RAB5A: variants seen among roughly 807,000 people sequenced by gnomAD.
RAB5A encodes the protein ras-related protein Rab-5A.
A neutral mutation model predicts 25.7 loss-of-function variants in RAB5A; 8 were observed. The observed-to-expected ratio is 0.31, with a 90% CI of 0.18 to 0.56. RAB5A has a LOEUF of 0.56. Among genes scored for constraint, RAB5A ranks in the 20% least tolerant of loss-of-function variants. The pLI is 0.91. For missense variants in RAB5A, 192 were observed against 259.7 expected, an observed-to-expected ratio of 0.74 and a Z score of 1.79; for synonymous variants, 98 against 89.8, an observed-to-expected ratio of 1.09 and a Z score of -0.52.
chr3:19,974,409 T>A (rs1443542343), intron 2 of RAB5A, among the ~76,000 whole-genome samples: 1 of 152,046 alleles, frequency 6.6e-6, no homozygotes, highest in Non-Finnish European at 1.5e-5. Context: ...TTCCTCAGCC[T>A]CCCAGAGTGC....
At chr3:19,956,722 T>G (rs936353344) in intron 2 of RAB5A, among the ~76,000 whole-genome samples, 1 of 152,228 alleles carries the variant, frequency 6.6e-6, no homozygotes, top group African/African-American at 2.4e-5. Context: ...GTATCCAGAT[T>G]GAAGTTTTTA....
At chr3:19,953,622 G>A (rs1252159389) in intron 2 of RAB5A, among the ~76,000 whole-genome samples, 2 of 152,114 alleles carry the variant, frequency 1.3e-5, no homozygotes, top group East Asian at 3.9e-4. Flanking sequence ...CGGTCGGGTT[G>A]GTCTTGAACT....
At chr3:19,957,857 A>T (rs1321099739) in intron 2 of RAB5A, among the ~76,000 whole-genome samples, 1 of 152,202 alleles carries the variant, frequency 6.6e-6, no homozygotes, top group African/African-American at 2.4e-5. Context: ...GTAAATACAT[A>T]ACGATTTTTA....
intron 2 of RAB5A, among the ~76,000 whole-genome samples, chr3:19,975,157 CGGAGG>C (rs1266016041): frequency 6.7e-6 from 1 of 148,526 alleles, no homozygotes; most frequent in Non-Finnish European, 1.5e-5. Flanking sequence ...ACCCGGGAGG[CGGAGG>C]TTGCAGTGAG....
intron 2 of RAB5A, among the ~76,000 whole-genome samples, chr3:19,974,078 A>G (rs1696788621): frequency 6.6e-6 from 1 of 152,154 alleles, no homozygotes; most frequent in South Asian, 2.1e-4. Context: ...TTTACAGTGA[A>G]TGATAGAGCA....
chr3:19,961,608 T>C (rs549572099), intron 2 of RAB5A, among the ~76,000 whole-genome samples: 1 of 152,362 alleles, frequency 6.6e-6, no homozygotes, highest in East Asian at 1.9e-4. Flanking sequence ...GCCATCATCA[T>C]GTGTCACACG....
At chr3:19,976,643 C>A (rs13086159) in intron 4 of RAB5A, among the ~76,000 whole-genome samples, 25,843 of 152,194 alleles carry the variant, frequency 0.17, 2,128 homozygotes, top group South Asian at 0.21. Context: ...CAAGATCACA[C>A]TATTGCACTC....
In RAB5A at chr3:19,982,053, G is replaced by A. The variant is rs1283700885; in HGVS notation, c.533-1655G>A. ...GGCCAGGAGTTCTAGACCAGCCTGGGCAACAGAGCAAGACCCTATCTCTAC... is the reference window on the plus strand; with the variant it reads ...GGCCAGGAGTTCTAGACCAGCCTGGACAACAGAGCAAGACCCTATCTCTAC... On this transcript the variant is annotated intron_variant, in intron 5 of 5. Transcript: ENST00000273047. Among the ~76,000 whole-genome samples the A allele has an allele frequency of 2.0e-5, 3 of 151,856 alleles. No homozygotes were observed. The East Asian group carries it at 5.8e-4, about 30-fold the overall frequency.
intron 2 of RAB5A, among the ~76,000 whole-genome samples, chr3:19,965,153 C>T (rs558675339): frequency 6.6e-6 from 1 of 152,232 alleles, no homozygotes; most frequent in East Asian, 1.9e-4. Flanking sequence ...CACTCCTGAC[C>T]TCAAGTGATC....
intron 1 of RAB5A, chr3:19,947,758 G>A (rs1344901081): frequency 1.3e-5 from 2 of 152,368 alleles, no homozygotes; most frequent in Admixed American, 1.3e-4. Flanking sequence ...GGAGCGACGG[G>A]TGTCACCCTT....
Position 19,963,376 on chromosome 3 carries a change from C to CG in RAB5A, c.164-12225_164-12224insG, listed in dbSNP as rs1196314530. Among the ~76,000 whole-genome samples, 10 of 86,872 alleles carry CG rather than the reference C, an allele frequency of 1.2e-4. 2 individuals carry two copies. The East Asian group carries it at 1.8e-3, about 15-fold the overall frequency. 57.0% of individuals were successfully genotyped at this position (86,872 alleles called of 152,430 possible). A position where few individuals can be genotyped will look rare whatever the true frequency, so the allele number is the denominator to read the frequency against. On this transcript the variant is annotated intron_variant, in intron 2 of 5. Transcript: ENST00000273047. ...ATCTTAGAATTTCACCCCCCCCCCCCCCGACTTATTTTCGTAAGATCAATT... is the reference window on the plus strand; with the variant it reads ...ATCTTAGAATTTCACCCCCCCCCCCCGCCGACTTATTTTCGTAAGATCAATT...
intron 5 of RAB5A, among the ~76,000 whole-genome samples, chr3:19,979,281 ACTTT>A (rs1301984371): frequency 1.5e-5 from 2 of 132,634 alleles, no homozygotes; most frequent in Non-Finnish European, 3.2e-5. Context: ...AGCCTAAGGT[ACTTT>A]CTTTTTTTTT....
At chr3:19,956,940 T>C (rs1696512337) in intron 2 of RAB5A, among the ~76,000 whole-genome samples, 1 of 147,776 alleles carries the variant, frequency 6.8e-6, no homozygotes, top group African/African-American at 2.5e-5. Flanking sequence ...TTTTGTGTTT[T>C]TTTTCCTTTT....
At chr3:19,967,389 C>T (rs1696676558) in intron 2 of RAB5A, among the ~76,000 whole-genome samples, 1 of 152,166 alleles carries the variant, frequency 6.6e-6, no homozygotes, top group East Asian at 1.9e-4. Context: ...GGGTGATCCA[C>T]CCACTTCAGT....
At chr3:19,961,345 A>AT (rs1284931513) in intron 2 of RAB5A, among the ~76,000 whole-genome samples, 1 of 152,158 alleles carries the variant, frequency 6.6e-6, no homozygotes, top group African/African-American at 2.4e-5. Context: ...AATGCCATTC[A>AT]TGTTCTGGAA....
intron 2 of RAB5A, among the ~76,000 whole-genome samples, chr3:19,974,100 C>T (rs955578901): frequency 2.0e-5 from 3 of 151,538 alleles, no homozygotes; most frequent in East Asian, 1.9e-4. Flanking sequence ...CAGCAGAGGG[C>T]GGTCTAATGG....
At chr3:19,977,340 C>G (rs1696841719) in intron 4 of RAB5A, among the ~76,000 whole-genome samples, 1 of 152,186 alleles carries the variant, frequency 6.6e-6, no homozygotes, top group Non-Finnish European at 1.5e-5. Flanking sequence ...TCCAAAAGTG[C>G]TAGGATTACA....
At chr3:19,974,384 A>T (rs1051495736) in intron 2 of RAB5A, among the ~76,000 whole-genome samples, 4 of 151,936 alleles carry the variant, frequency 2.6e-5, no homozygotes, top group Admixed American at 1.3e-4. Context: ...TGATCTCCTG[A>T]CCTCGTGATT....
chr3:19,954,546 G>A (rs1020694282), intron 2 of RAB5A, among the ~76,000 whole-genome samples: 2 of 152,044 alleles, frequency 1.3e-5, no homozygotes, highest in Non-Finnish European at 1.5e-5. Flanking sequence ...CGCTGTGTGC[G>A]GTGGCTTGCA....
Sources: gnomAD v4.1 joint callset for allele counts (sites outside exome capture counted in the v4.1 genomes callset) on GRCh38, gnomAD v4.1.1 for gene constraint, MANE v1.5 for transcripts, NCBI Gene and HGNC (gene_info 2026-07-23, HGNC 2026-07-21) for gene names.